Variants in MXI1 observed in about 807,000 individuals in gnomAD.
MXI1 encodes the protein MAX interactor 1, dimerization protein.
Under a neutral mutation model 36.9 loss-of-function variants are expected in MXI1, and 18 were observed. The ratio of observed to expected loss-of-function variants is 0.49; its 90% CI spans 0.34 to 0.72. MXI1 has a LOEUF of 0.72. Among genes scored for constraint, MXI1 ranks in the 30% least tolerant of loss-of-function variants. The probability of loss-of-function intolerance (pLI) is 0.01; values close to 1 mark genes in which losing one functional copy is unlikely to be tolerated. For missense variants in MXI1, 304 were observed against 379.1 expected (o/e 0.80, Z 1.64); for synonymous variants, 160 against 146.7 (o/e 1.09, Z -0.65).
intron 3 of MXI1, among the ~76,000 whole-genome samples, chr10:110,249,382 A>C (rs1407797358): frequency 1.3e-5 from 2 of 151,878 alleles, no homozygotes; most frequent in Non-Finnish European, 2.9e-5. Context: ...GGAACAACTG[A>C]TACCTCAGTA....
Position 110,227,285 on chromosome 10 carries a change from G to T in MXI1, c.275-904G>T, listed in dbSNP as rs1323998397. ...GGAAGGGCGTGCGCGTGTGGGAGGG[G>T]CGTGCGCGTGTGGGAGGGGCGGGTG... On this transcript the variant is annotated intron_variant, in intron 1 of 5. Coordinates refer to ENST00000332674, the MANE Select transcript of MXI1 (RefSeq NM_130439.3). 6 of 920,430 alleles carry T rather than the reference G, an allele frequency of 6.5e-6. No homozygotes were observed. In the East Asian group the frequency reaches 5.7e-4, roughly 88 times the overall value. The allele number at this position is 920,430 out of a possible 1,614,324, so 57.0% of individuals were successfully genotyped here.
intron 3 of MXI1, among the ~76,000 whole-genome samples, chr10:110,256,612 A>T: frequency 6.6e-6 from 1 of 150,790 alleles, no homozygotes; most frequent in Non-Finnish European, 1.5e-5. Flanking sequence ...CAAAAAAAAA[A>T]AAAAAAAAAA....
intron 3 of MXI1, 42 bp from the exon 4 acceptor site, chr10:110,279,137 GA>G: frequency 7.1e-7 from 1 of 1,411,470 alleles, no homozygotes; most frequent in African/African-American, 1.4e-5. Flanking sequence ...TATTTCTAGT[GA>G]AATAACCAGA....
chr10:110,242,861 TAGTCTGCTCTTCTC>T (rs1855723483), intron 2 of MXI1, among the ~76,000 whole-genome samples: 1 of 148,986 alleles, frequency 6.7e-6, no homozygotes, highest in Non-Finnish European at 1.5e-5. Flanking sequence ...TTATGGCAAA[TAGTCTGCTCTTCTC>T]TAAATACAAT....
intron 1 of MXI1, among the ~76,000 whole-genome samples, chr10:110,220,052 C>T (rs1032056722): frequency 2.0e-5 from 3 of 152,344 alleles, no homozygotes; most frequent in Admixed American, 1.3e-4. Context: ...TGGGATTGCC[C>T]TTGGTTGAGA....
chr10:110,257,496 A>C (rs1856351232), intron 3 of MXI1: 1 of 152,218 alleles, frequency 6.6e-6, no homozygotes, highest in Non-Finnish European at 1.5e-5. Context: ...TTTTTAGTAG[A>C]GATGGGGTTT....
At chr10:110,214,390 A>G (rs1460625829) in intron 1 of MXI1, among the ~76,000 whole-genome samples, 1 of 151,792 alleles carries the variant, frequency 6.6e-6, no homozygotes, top group Non-Finnish European at 1.5e-5. Context: ...CCTTAACTCA[A>G]GTTTAGGGCT....
intron 2 of MXI1, among the ~76,000 whole-genome samples, chr10:110,238,863 A>G (rs1855564371): frequency 6.6e-6 from 1 of 152,182 alleles, no homozygotes; most frequent in African/African-American, 2.4e-5. Flanking sequence ...AATTATTGGC[A>G]TAAAGTTGTT....
At chr10:110,254,341 A>T (rs1366262280) in intron 3 of MXI1, among the ~76,000 whole-genome samples, 1 of 152,144 alleles carries the variant, frequency 6.6e-6, no homozygotes, top group Admixed American at 6.5e-5. Flanking sequence ...CAGACTTAAT[A>T]AATGTTGTGT....
intron 5 of MXI1, among the ~76,000 whole-genome samples, chr10:110,283,103 C>G (rs1006826466): frequency 1.3e-5 from 2 of 152,088 alleles, no homozygotes; most frequent in Non-Finnish European, 2.9e-5. Context: ...TGAAGCAATT[C>G]GGATATAGAG....
At chr10:110,232,569 TAAA>T (rs1340424536) in intron 2 of MXI1, among the ~76,000 whole-genome samples, 1 of 152,216 alleles carries the variant, frequency 6.6e-6, no homozygotes, top group Non-Finnish European at 1.5e-5. Context: ...TTCACTGGAT[TAAA>T]AACCCTGCGA....
intron 5 of MXI1, among the ~76,000 whole-genome samples, 197 bp downstream of exon 5, chr10:110,280,282 T>A (rs1369487078): frequency 4.0e-5 from 6 of 150,922 alleles, no homozygotes; most frequent in South Asian, 2.1e-4. Context: ...TGAAAAAAAA[T>A]ATATTTATAT....
intron 3 of MXI1, among the ~76,000 whole-genome samples, chr10:110,258,384 G>A (rs575820682): frequency 7.9e-5 from 12 of 152,164 alleles, no homozygotes; most frequent in Admixed American, 1.3e-4. Flanking sequence ...CTTATGTCTT[G>A]GAAAGTAGGG....
chr10:110,268,222 T>C (rs750031668), intron 3 of MXI1, among the ~76,000 whole-genome samples: 1 of 152,188 alleles, frequency 6.6e-6, no homozygotes, highest in Non-Finnish European at 1.5e-5. Flanking sequence ...ACTGTATAGA[T>C]TTTTCAGGGC....
intron 2 of MXI1, among the ~76,000 whole-genome samples, chr10:110,236,423 T>A (rs1390363583): frequency 1.3e-5 from 2 of 152,100 alleles, no homozygotes; most frequent in Admixed American, 1.3e-4. Flanking sequence ...CAAAAGTTCC[T>A]TTGGCTATTC....
At chr10:110,264,361 G>T (rs1161328291) in intron 3 of MXI1, among the ~76,000 whole-genome samples, 1 of 148,434 alleles carries the variant, frequency 6.7e-6, no homozygotes, top group East Asian at 2.0e-4. Flanking sequence ...AAATATATTA[G>T]TAATTGATTT....
intron 3 of MXI1, among the ~76,000 whole-genome samples, chr10:110,247,311 A>G (rs1289540127): frequency 1.3e-5 from 2 of 152,102 alleles, no homozygotes; most frequent in African/African-American, 2.4e-5. Flanking sequence ...AGTAGATTGC[A>G]AAAATTTTCT....
chr10:110,259,623 T>C (rs994194460), intron 3 of MXI1, among the ~76,000 whole-genome samples: 1 of 152,092 alleles, frequency 6.6e-6, no homozygotes, highest in South Asian at 2.1e-4. Context: ...CAGTAAAAAA[T>C]GTCTTTTTAT....
chr10:110,244,983 G>A, intron 3 of MXI1, 126 bp downstream of exon 3: 2 of 857,466 alleles, frequency 2.3e-6, no homozygotes, highest in Non-Finnish European at 3.5e-6. Context: ...AGCCCATTGT[G>A]AATCTGATAT....
Sources: gnomAD v4.1 joint callset for allele counts (sites outside exome capture counted in the v4.1 genomes callset) on GRCh38, gnomAD v4.1.1 for gene constraint, MANE v1.5 for transcripts, NCBI Gene and HGNC (gene_info 2026-07-23, HGNC 2026-07-21) for gene names.